The following PTPRK variants were observed in gnomAD, a reference collection of about 807,000 sequenced individuals.
PTPRK encodes the protein protein tyrosine phosphatase receptor type K, also known as receptor-type tyrosine-protein phosphatase kappa.
Under a neutral mutation model 178.0 loss-of-function variants are expected in PTPRK, and 75 were observed. The ratio of observed to expected loss-of-function variants is 0.42; its 90% CI spans 0.35 to 0.51. The LOEUF (loss-of-function observed/expected upper bound fraction) is 0.51, where lower values mean the gene tolerates loss of function less well. Ranked by LOEUF, PTPRK falls within the 20% of genes least tolerant of loss-of-function variation. The pLI, the probability that PTPRK is intolerant of heterozygous loss-of-function variation, is 0.02. For synonymous variants in PTPRK, 637 were observed against 620.6 expected (o/e 1.03, Z -0.39); for missense variants, 1,441 against 1,797.8 (o/e 0.80, Z 3.59).
chr6:128,088,543 CT>C (rs1554292641), intron 8 of PTPRK, among the ~76,000 whole-genome samples: 1 of 152,012 alleles, frequency 6.6e-6, no homozygotes, highest in Non-Finnish European at 1.5e-5. Context: ...ATATGGCACA[CT>C]TTTTTTCTAC....
At chr6:128,415,084 C>T (rs927714353) in intron 1 of PTPRK, among the ~76,000 whole-genome samples, 2 of 152,044 alleles carry the variant, frequency 1.3e-5, no homozygotes, top group Non-Finnish European at 2.9e-5. Flanking sequence ...TTAATGACAT[C>T]GCGGAATGAA....
chr6:128,072,068 C>T (rs1331263645), intron 11 of PTPRK, among the ~76,000 whole-genome samples: 1 of 151,914 alleles, frequency 6.6e-6, no homozygotes, highest in Non-Finnish European at 1.5e-5. Flanking sequence ...TAGGTGAGCT[C>T]AGTACTTTAG....
intron 13 of PTPRK, among the ~76,000 whole-genome samples, chr6:128,048,101 C>T (rs746069727): frequency 3.3e-4 from 50 of 152,174 alleles, no homozygotes; most frequent in Non-Finnish European, 6.0e-4. Context: ...AGCCTTAGAT[C>T]TCTCATGCCA....
intron 7 of PTPRK, 35 bp from the exon 8 acceptor site, chr6:128,090,027 A>C: frequency 6.7e-7 from 1 of 1,485,634 alleles, no homozygotes; most frequent in South Asian, 1.1e-5. Context: ...ACAGCTGTCT[A>C]TTATATCATG....
At chr6:128,483,818 T>C (rs1172029409) in intron 1 of PTPRK, among the ~76,000 whole-genome samples, 1 of 152,148 alleles carries the variant, frequency 6.6e-6, no homozygotes, top group African/African-American at 2.4e-5. Context: ...TTAAAAGTAC[T>C]AGGCTAACGT....
In PTPRK at chr6:128,031,342, G is replaced by T. The variant is rs75107341; in HGVS notation, c.2195-22074C>A. 9.8e-5 allele frequency among the ~76,000 whole-genome samples: 15 copies of T among 152,292 alleles called. No individual in the cohort carries two copies. The East Asian group carries it at 2.9e-3, about 29-fold the overall frequency. ...CATTTTCTTTCAAACTGCAGCTAAA[G>T]ATATACTTCCCATCCTCTGGCACTT... On this transcript the variant is annotated intron_variant, in intron 13 of 29. Coordinates refer to ENST00000368226, the MANE Select transcript of PTPRK (RefSeq NM_002844.4).
intron 3 of PTPRK, among the ~76,000 whole-genome samples, chr6:128,266,926 C>G (rs531427840): frequency 1.3e-5 from 2 of 152,072 alleles, no homozygotes; most frequent in Admixed American, 6.6e-5. Flanking sequence ...TCTAAACAAT[C>G]TGAGTGAAAA....
intron 1 of PTPRK, among the ~76,000 whole-genome samples, chr6:128,473,963 G>A (rs1307663994): frequency 2.6e-5 from 4 of 152,020 alleles, no homozygotes. Context: ...TTTTTAGTCT[G>A]TTCATGAATC....
At chr6:128,267,418 C>T (rs1819134841) in intron 3 of PTPRK, among the ~76,000 whole-genome samples, 1 of 151,920 alleles carries the variant, frequency 6.6e-6, no homozygotes, top group Non-Finnish European at 1.5e-5. Context: ...TATTTTTGTA[C>T]CTGATAGCCA....
intron 7 of PTPRK, among the ~76,000 whole-genome samples, chr6:128,114,636 A>T (rs1791196306): frequency 6.6e-6 from 1 of 151,268 alleles, no homozygotes; most frequent in Admixed American, 6.6e-5. Context: ...AAAAAAAAAA[A>T]AAAGCTCTAG....
At chr6:128,023,703 G>C (rs1773865479) in intron 13 of PTPRK, among the ~76,000 whole-genome samples, 1 of 152,110 alleles carries the variant, frequency 6.6e-6, no homozygotes, top group Non-Finnish European at 1.5e-5. Context: ...TCCAGGGCTA[G>C]AGTGCAATGG....
intron 3 of PTPRK, among the ~76,000 whole-genome samples, chr6:128,266,231 A>G (rs1157692329): frequency 6.6e-6 from 1 of 152,192 alleles, no homozygotes; most frequent in African/African-American, 2.4e-5. Flanking sequence ...CTAGAAGAGC[A>G]AAAGGTCCTG....
intron 1 of PTPRK, among the ~76,000 whole-genome samples, chr6:128,501,640 T>C (rs911787034): frequency 2.0e-5 from 3 of 152,232 alleles, no homozygotes; most frequent in African/African-American, 7.2e-5. Context: ...TTTTGTCCTA[T>C]ATAAACAAAT....
At chr6:128,012,398 A>G (rs537180555) in intron 13 of PTPRK, among the ~76,000 whole-genome samples, 1 of 151,312 alleles carries the variant, frequency 6.6e-6, no homozygotes, top group Non-Finnish European at 1.5e-5. Flanking sequence ...CTTCAAAGAG[A>G]GCAAAAAGCT....
intron 2 of PTPRK, among the ~76,000 whole-genome samples, chr6:128,324,214 G>A (rs1435312343): frequency 1.3e-5 from 2 of 152,020 alleles, no homozygotes; most frequent in East Asian, 1.9e-4. Flanking sequence ...TATGGCAGTA[G>A]TGCATTTAAA....
intron 13 of PTPRK, among the ~76,000 whole-genome samples, chr6:128,010,498 C>T (rs1157452451): frequency 6.6e-6 from 1 of 151,250 alleles, no homozygotes; most frequent in Admixed American, 6.6e-5. Flanking sequence ...TATCCCCCTC[C>T]CCGCAACCCA....
intron 6 of PTPRK, among the ~76,000 whole-genome samples, chr6:128,194,982 G>A (rs1387708324): frequency 1.3e-5 from 2 of 151,826 alleles, no homozygotes; most frequent in East Asian, 1.9e-4. Flanking sequence ...TCTATAATGA[G>A]AATATAATCT....
At chr6:128,048,815 C>T (rs977315511) in intron 13 of PTPRK, among the ~76,000 whole-genome samples, 5 of 152,094 alleles carry the variant, frequency 3.3e-5, no homozygotes, top group East Asian at 1.9e-4. Flanking sequence ...TTGGTATCCT[C>T]GGGGTCCCGG....
chr6:128,362,593 CAAAT>C (rs1375721851), intron 2 of PTPRK, among the ~76,000 whole-genome samples: 1 of 152,160 alleles, frequency 6.6e-6, no homozygotes, highest in African/African-American at 2.4e-5. Flanking sequence ...CATTCACCAA[CAAAT>C]AAGAGAATTA....
Sources: gnomAD v4.1 joint callset for allele counts (sites outside exome capture counted in the v4.1 genomes callset) on GRCh38, gnomAD v4.1.1 for gene constraint, MANE v1.5 for transcripts, NCBI Gene and HGNC (gene_info 2026-07-23, HGNC 2026-07-21) for gene names.